The following NDC1 variants were observed in gnomAD, a reference collection of about 807,000 sequenced individuals.
The protein encoded by NDC1 is NDC1 transmembrane nucleoporin, also known as nucleoporin NDC1.
Under a neutral mutation model 89.8 loss-of-function variants are expected in NDC1, and 24 were observed. The observed-to-expected ratio is 0.27, with a 90% CI of 0.19 to 0.38. NDC1 has a LOEUF of 0.38. Ranked by LOEUF, NDC1 falls within the 10% of genes least tolerant of loss-of-function variation. NDC1 has a pLI of 1.00. For synonymous variants in NDC1, 296 were observed against 284.8 expected (o/e 1.04, Z -0.39); for missense variants, 728 against 797.6 (o/e 0.91, Z 1.05).
At chr1:53,827,135 G>A (rs1328502253) in intron 4 of NDC1, among the ~76,000 whole-genome samples, 4 of 151,898 alleles carry the variant, frequency 2.6e-5, no homozygotes, top group Non-Finnish European at 5.9e-5. Flanking sequence ...TATTAAGGGG[G>A]AAAAAACAAC....
chr1:53,773,964 T>C (rs2100619547), intron 16 of NDC1, among the ~76,000 whole-genome samples: 1 of 152,330 alleles, frequency 6.6e-6, no homozygotes, highest in African/African-American at 2.4e-5. Flanking sequence ...TTTGGGTACC[T>C]GTCCCTTCAC....
chr1:53,812,575 A>C (rs1003843846), intron 6 of NDC1, among the ~76,000 whole-genome samples: 1 of 152,202 alleles, frequency 6.6e-6, no homozygotes, highest in South Asian at 2.1e-4. Context: ...AAAAAGGAGA[A>C]TATGGACAAG....
chr1:53,833,070 A>G (rs550840580), intron 2 of NDC1, among the ~76,000 whole-genome samples: 1 of 152,322 alleles, frequency 6.6e-6, no homozygotes, highest in Non-Finnish European at 1.5e-5. Context: ...ACCTGGCCCC[A>G]GGTACTTTAA....
At chr1:53,817,987 C>T (rs1277349793) in intron 6 of NDC1, among the ~76,000 whole-genome samples, 1 of 152,054 alleles carries the variant, frequency 6.6e-6, no homozygotes, top group Admixed American at 6.5e-5. Context: ...CCCCTACCAA[C>T]AAAATATTTA....
intron 7 of NDC1, among the ~76,000 whole-genome samples, chr1:53,808,394 TG>T (rs141679083): frequency 0.023 from 3,572 of 152,288 alleles, 158 homozygotes; most frequent in African/African-American, 0.081. Context: ...CATTTCTAAG[TG>T]TTGTGATTAG....
chr1:53,807,233 C>T (rs536634019), intron 8 of NDC1, among the ~76,000 whole-genome samples: 9 of 108,640 alleles, frequency 8.3e-5, no homozygotes, highest in African/African-American at 3.0e-4. Context: ...GGTGACAGAG[C>T]GAGACCCTAT....
At chr1:53,809,615 T>C in intron 7 of NDC1, 80 bp downstream of exon 7, 1 of 1,116,054 alleles carries the variant, frequency 9.0e-7, no homozygotes, top group Non-Finnish European at 1.3e-6. Flanking sequence ...AGGCAAAATC[T>C]AAACAAAATA....
At chr1:53,821,429 C>A (rs1570227452) in intron 5 of NDC1, among the ~76,000 whole-genome samples, 1 of 152,042 alleles carries the variant, frequency 6.6e-6, no homozygotes, top group African/African-American at 2.4e-5. Context: ...GGTGACAGAG[C>A]GAGACTGTCT....
chr1:53,816,106 T>C (rs779956503), intron 6 of NDC1, among the ~76,000 whole-genome samples: 1 of 152,150 alleles, frequency 6.6e-6, no homozygotes, highest in African/African-American at 2.4e-5. Context: ...AATTCTTAAA[T>C]TCATATGGAA....
At chr1:53,813,524 A>G (rs560566105) in intron 6 of NDC1, among the ~76,000 whole-genome samples, 1 of 152,352 alleles carries the variant, frequency 6.6e-6, no homozygotes, top group East Asian at 1.9e-4. Context: ...AGCAGTTAAA[A>G]GAGACAAAGA....
chr1:53,790,156 G>A (rs181664835), intron 14 of NDC1, among the ~76,000 whole-genome samples: 248 of 151,982 alleles, frequency 1.6e-3, no homozygotes, highest in African/African-American at 6.0e-3. Context: ...CCTGAGGTCA[G>A]GAGTTCGAGA....
In NDC1 at chr1:53,818,869, C is replaced by G. The variant is rs1416485979; in HGVS notation, c.703+102G>C. 5.3e-5 allele frequency: 32 copies of G among 607,252 alleles called. No individual in the cohort carries two copies. The South Asian group carries it at 6.9e-4, about 13-fold the overall frequency. 37.6% of individuals were successfully genotyped at this position (607,252 alleles called of 1,614,324 possible). A position where few individuals can be genotyped will look rare whatever the true frequency, so the allele number is the denominator to read the frequency against. On this transcript the variant is annotated intron_variant, in intron 6 of 17. Coordinates refer to ENST00000371429, the MANE Select transcript of NDC1 (RefSeq NM_018087.5). The stretch of plus-strand genomic sequence containing the variant: ...TGAATCAGTTGAGCTAATCACATAC[C>G]TATAACTGTAGAAAACACAAAAACA...
chr1:53,771,012 C>T (rs1377193785), intron 17 of NDC1: 1 of 152,426 alleles, frequency 6.6e-6, no homozygotes, highest in East Asian at 1.9e-4. Flanking sequence ...CTTTTTTCCC[C>T]CAGGGGAATG....
chr1:53,809,600 G>A, intron 7 of NDC1, 95 bp downstream of exon 7: 8 of 933,526 alleles, frequency 8.6e-6, no homozygotes, highest in Admixed American at 2.3e-5. Flanking sequence ...TTAAAAAAAT[G>A]TTAAAGGCAA....
intron 14 of NDC1, among the ~76,000 whole-genome samples, chr1:53,791,580 T>G (rs1230235966): frequency 6.6e-6 from 1 of 152,214 alleles, no homozygotes; most frequent in Non-Finnish European, 1.5e-5. Context: ...CTGTCTTTGG[T>G]TATGTACCCA....
At chr1:53,804,090 T>G in intron 9 of NDC1, 81 bp from the exon 10 acceptor site, 1 of 951,698 alleles carries the variant, frequency 1.1e-6, no homozygotes, top group Non-Finnish European at 1.6e-6. Context: ...CATCATTATA[T>G]ATCCAAGAGG....
At position 53,767,436 on chromosome 1, in the gene NDC1, C is replaced by T. The variant is rs1319477955; in HGVS notation, c.*534G>A. ...TTTAATTTGTCCCTGGAAACAAAAA[C>T]CCAACCTAACAGATTAACAAAATAT... On this transcript the variant is annotated 3_prime_UTR_variant, in exon 18 of 18. Coordinates refer to ENST00000371429, the MANE Select transcript of NDC1 (RefSeq NM_018087.5). 6.6e-6 allele frequency: 1 copy of T among 152,062 alleles called. No homozygotes were observed. The highest frequency in any genetic ancestry group is 1.5e-5 in the Non-Finnish European group (1 of 67,990). 9.4% of individuals were successfully genotyped at this position (152,062 alleles called of 1,614,324 possible). A position where few individuals can be genotyped will look rare whatever the true frequency, so the allele number is the denominator to read the frequency against.
intron 16 of NDC1, among the ~76,000 whole-genome samples, chr1:53,774,764 G>C (rs555907459): frequency 7.9e-5 from 12 of 152,170 alleles, no homozygotes; most frequent in African/African-American, 2.9e-4. Flanking sequence ...TCCAATACCT[G>C]TAGTCACAAC....
chr1:53,813,627 T>C (rs1010583576), intron 6 of NDC1, among the ~76,000 whole-genome samples: 1 of 152,074 alleles, frequency 6.6e-6, no homozygotes, highest in Non-Finnish European at 1.5e-5. Flanking sequence ...CCCAAATTTA[T>C]AAAACAATTA....
Sources: allele counts gnomAD v4.1 joint callset (sites outside exome capture counted in the v4.1 genomes callset), GRCh38; gene constraint gnomAD v4.1.1; transcripts MANE v1.5; gene names NCBI Gene and HGNC (gene_info 2026-07-23, HGNC 2026-07-21).